MARK3: variants seen among roughly 807,000 people sequenced by gnomAD.
The protein encoded by MARK3 is microtubule affinity regulating kinase 3, also known as MAP/microtubule affinity-regulating kinase 3.
In MARK3, 46 loss-of-function variants were observed where a neutral mutation model predicts 90.1. The ratio of observed to expected loss-of-function variants is 0.51; its 90% CI spans 0.40 to 0.65. The LOEUF (loss-of-function observed/expected upper bound fraction) is 0.65. Ranked by LOEUF, MARK3 falls within the 30% of genes least tolerant of loss-of-function variation. The pLI is 0.00. For synonymous variants in MARK3, 321 were observed against 332.6 expected (o/e 0.97, Z 0.38); for missense variants, 818 against 947.2 (o/e 0.86, Z 1.79).
intron 2 of MARK3, 119 bp downstream of exon 2, chr14:103,405,386 T>C (rs2065020): frequency 0.99 from 705,148 of 714,264 alleles, 348,322 homozygotes; most frequent in East Asian, 1. Context: ...AGTCTCGCTC[T>C]GTCACCCAGG....
chr14:103,399,969 C>G (rs1452374733), intron 1 of MARK3, among the ~76,000 whole-genome samples: 1 of 149,906 alleles, frequency 6.7e-6, no homozygotes, highest in East Asian at 2.0e-4. Flanking sequence ...GTTTCTGTCA[C>G]TCAGGCTGGA....
At chr14:103,409,435 T>TAAAAAAAAAA (rs61200962) in intron 2 of MARK3, among the ~76,000 whole-genome samples, 6 of 93,434 alleles carry the variant, frequency 6.4e-5, no homozygotes, top group African/African-American at 1.7e-4. Flanking sequence ...GAACTTAAAG[T>TAAAAAAAAAA]AAAAAAAAAA....
In MARK3 at chr14:103,475,208, A is replaced by G; in HGVS notation, c.1480A>G (p.Ser494Gly). The change falls in exon 13 of 18, where the codon AGT becomes GGT. Residue 494 changes from serine to glycine, a missense_variant and splice_region_variant. Transcript: ENST00000429436. ...ACGCAAGAAAAGCTCCACTGTCCCT[A>G]GTGTAAGTGTTGTTGAACTATAGAG... ...PERKKSSTVP[S>G]SNTASGGMTR... The G allele has an allele frequency of 6.2e-7, 1 of 1,612,678 alleles. No homozygotes were observed. Among genetic ancestry groups the G allele is most frequent in the Non-Finnish European group, 8.5e-7 (1 of 1,179,846 alleles).
At chr14:103,430,406 G>A (rs1415924156) in intron 3 of MARK3, among the ~76,000 whole-genome samples, 1 of 119,022 alleles carries the variant, frequency 8.4e-6, no homozygotes, top group African/African-American at 3.4e-5. Flanking sequence ...TTGCAACAAT[G>A]TAGAATGTAC....
At chr14:103,389,221 G>A (rs191662733) in intron 1 of MARK3, among the ~76,000 whole-genome samples, 7 of 151,686 alleles carry the variant, frequency 4.6e-5, no homozygotes, top group African/African-American at 7.3e-5. Context: ...AAAATTAGCC[G>A]GGCGTGGTGG....
At chr14:103,431,460 G>A (rs1210859889) in intron 3 of MARK3, among the ~76,000 whole-genome samples, 6 of 151,924 alleles carry the variant, frequency 3.9e-5, no homozygotes, top group Non-Finnish European at 4.4e-5. Flanking sequence ...GTGAAACCGC[G>A]TCTCTACTAA....
chr14:103,441,687 G>A (rs1224640932), intron 3 of MARK3: 1 of 152,130 alleles, frequency 6.6e-6, no homozygotes, highest in Non-Finnish European at 1.5e-5. Context: ...GCCACCAGCA[G>A]TCATGTGTTA....
intron 2 of MARK3, among the ~76,000 whole-genome samples, chr14:103,417,763 TTCTG>T (rs1258358289): frequency 1.3e-5 from 2 of 152,144 alleles, no homozygotes; most frequent in Admixed American, 6.5e-5. Flanking sequence ...CTTCCATTCT[TTCTG>T]TTAAAAATGT....
intron 1 of MARK3, among the ~76,000 whole-genome samples, chr14:103,388,276 G>T (rs1389527054): frequency 6.6e-6 from 1 of 152,226 alleles, no homozygotes; most frequent in African/African-American, 2.4e-5. Context: ...TAAAAATCAA[G>T]TTTATCACAC....
intron 14 of MARK3, among the ~76,000 whole-genome samples, chr14:103,480,973 A>G (rs1408525865): frequency 6.6e-6 from 1 of 152,232 alleles, no homozygotes; most frequent in Admixed American, 6.5e-5. Context: ...GGAGAAGCCA[A>G]GAGAAGTGGA....
chr14:103,391,670 A>G (rs561160757), intron 1 of MARK3, among the ~76,000 whole-genome samples: 1 of 141,780 alleles, frequency 7.1e-6, no homozygotes, highest in Non-Finnish European at 1.5e-5. Context: ...CAGCCTCCCG[A>G]GTAGCTGGGA....
chr14:103,416,497 G>C (rs1379058648), intron 2 of MARK3, among the ~76,000 whole-genome samples: 2 of 152,202 alleles, frequency 1.3e-5, no homozygotes, highest in Non-Finnish European at 2.9e-5. Flanking sequence ...CAAGCCAGGC[G>C]TGGTGGATCA....
At position 103,422,221 on chromosome 14, in the gene MARK3, C is replaced by A. The variant is rs543749448; in HGVS notation, c.244-6166C>A. ...TGTGAATCCCAGCACTTTGGGAAGCCGAGGCAGGCAGATCACCTGAAGTCA... is the reference window on the plus strand; with the variant it reads ...TGTGAATCCCAGCACTTTGGGAAGCAGAGGCAGGCAGATCACCTGAAGTCA... On this transcript the variant is annotated intron_variant, in intron 2 of 17. Transcript: ENST00000429436. 1.6e-4 allele frequency among the ~76,000 whole-genome samples: 24 copies of A among 152,214 alleles called. 1 individual carries two copies. In the East Asian group the frequency reaches 4.6e-3, roughly 29 times the overall value.
intron 3 of MARK3, among the ~76,000 whole-genome samples, chr14:103,434,233 T>C (rs1341090879): frequency 7.9e-5 from 12 of 152,198 alleles, no homozygotes; most frequent in Non-Finnish European, 1.5e-4. Context: ...TAAAATTGTA[T>C]AGCCAAACAA....
rs1056689292 is a variant in MARK3 at position 103,465,966 on chromosome 14, C to T, written c.778-6C>T. ...CTCGTTTTCTTTCCTCTGTACCTCT[C>T]CAAAGGAACTGAGAGAGAGAGTATT... On this transcript the variant is annotated splice_polypyrimidine_tract_variant and splice_region_variant and intron_variant, in intron 8 of 17. Coordinates refer to ENST00000429436, the MANE Select transcript of MARK3 (RefSeq NM_001128918.3). The T allele has an allele frequency of 6.2e-7, 1 of 1,611,638 alleles. No homozygotes were observed. Among genetic ancestry groups the T allele is most frequent in the Non-Finnish European group, 8.5e-7 (1 of 1,179,216 alleles).
chr14:103,451,270 G>A (rs1258011793), intron 4 of MARK3, among the ~76,000 whole-genome samples: 1 of 152,056 alleles, frequency 6.6e-6, no homozygotes, highest in East Asian at 1.9e-4. Context: ...TTATGAATTA[G>A]CAGTGATAGA....
chr14:103,470,274 T>TATGAGAC lies in MARK3; in HGVS notation c.1264+2091_1264+2097dup, dbSNP rs562975070. On this transcript the variant is annotated intron_variant, in intron 12 of 17. Transcript: ENST00000429436. ...AAACTTCACCTAGAAGCCAGTCCTTTATGAGACATAAGACTCCCAGTGGGT... is the reference window on the plus strand; with the variant it reads ...AAACTTCACCTAGAAGCCAGTCCTTTATGAGACATGAGACATAAGACTCCCAGTGGGT... 2.7e-3 allele frequency among the ~76,000 whole-genome samples: 411 copies of TATGAGAC among 151,944 alleles called. 2 individuals carry two copies. The highest frequency in any genetic ancestry group is 9.5e-3 in the African/African-American group (393 of 41,456).
intron 1 of MARK3, among the ~76,000 whole-genome samples, chr14:103,399,505 C>A (rs886407572): frequency 2.0e-5 from 3 of 151,666 alleles, no homozygotes; most frequent in Non-Finnish European, 2.9e-5. Context: ...GTCAGGAGAT[C>A]GAGACCACGG....
intron 5 of MARK3, among the ~76,000 whole-genome samples, chr14:103,453,863 G>C (rs1417710929): frequency 6.6e-6 from 1 of 152,196 alleles, no homozygotes; most frequent in Non-Finnish European, 1.5e-5. Flanking sequence ...TGAGGAAATG[G>C]AGGCTGGGAA....
Sources: gnomAD v4.1 joint callset for allele counts (sites outside exome capture counted in the v4.1 genomes callset) on GRCh38, gnomAD v4.1.1 for gene constraint, MANE v1.5 for transcripts, NCBI Gene and HGNC (gene_info 2026-07-23, HGNC 2026-07-21) for gene names.